The following AGTPBP1 variants were observed in gnomAD, a reference collection of about 807,000 sequenced individuals.
AGTPBP1 encodes cytosolic carboxypeptidase 1.
Under a neutral mutation model 143.9 loss-of-function variants are expected in AGTPBP1, and 70 were observed. The ratio of observed to expected loss-of-function variants is 0.49; its 90% CI spans 0.40 to 0.59. AGTPBP1 has a LOEUF of 0.59. AGTPBP1 is among the 20% of genes least tolerant of loss of function. The pLI is 0.00. For synonymous variants in AGTPBP1, 463 were observed against 500.2 expected (o/e 0.93, Z 0.99); for missense variants, 1,229 against 1,464.5 (o/e 0.84, Z 2.62).
intron 25 of AGTPBP1, among the ~76,000 whole-genome samples, chr9:85,550,451 G>A (rs1825973750): frequency 6.6e-6 from 1 of 152,028 alleles, no homozygotes; most frequent in Non-Finnish European, 1.5e-5. Flanking sequence ...CCTTCTCAAT[G>A]GTAATCATGT....
rs1834972191 is a variant in AGTPBP1, at chr9:85,678,476, A to T, written c.226-78T>A. The T allele has an allele frequency of 5.8e-6, 5 of 861,228 alleles. No homozygotes were observed. The East Asian group carries it at 1.4e-4, about 25-fold the overall frequency. The allele number at this position is 861,228 out of a possible 1,614,324, so 53.3% of individuals were successfully genotyped here. A position where few individuals can be genotyped will look rare whatever the true frequency, so the allele number is the denominator to read the frequency against. ...CTTTTGAATCCACTGGGAACTACCT[A>T]TATTTTACAAATGACCTTTCCAATT... is the stretch of plus-strand genomic sequence containing the variant. On this transcript the variant is annotated intron_variant, in intron 4 of 25. Transcript: ENST00000357081.
intron 2 of AGTPBP1, among the ~76,000 whole-genome samples, chr9:85,693,272 T>C (rs1261413933): frequency 6.6e-6 from 1 of 152,206 alleles, no homozygotes; most frequent in Non-Finnish European, 1.5e-5. Flanking sequence ...CCTCCACCTA[T>C]GTTCTTTCTT....
rs1245699434 is a variant in AGTPBP1, at chr9:85,642,921, A to G, written c.1208T>C (p.Ile403Thr). ...NFKNDDIETD[I>T]NKLKPQQEPG... ...TTCTTGCTGGGGTTTTAGTTTGTTA[A>G]TATCTGTTTCAATATCATCATTCTG... is the stretch of plus-strand genomic sequence containing the variant. The change falls in exon 13 of 26, where the codon ATT becomes ACT. Residue 403 changes from isoleucine (I) to threonine (T), a missense_variant. By Grantham distance (89) the Ile-to-Thr change is moderately conservative. Transcript: ENST00000357081. 1.9e-6 allele frequency: 3 copies of G among 1,612,964 alleles called. No individual in the cohort carries two copies. The highest frequency in any genetic ancestry group is 2.2e-5 in the South Asian group (2 of 90,964).
chr9:85,803,914 G>A, the AGTPBP1 span, among the ~76,000 whole-genome samples: 2 of 151,868 alleles, frequency 1.3e-5, no homozygotes, highest in African/African-American at 4.8e-5. Context: ...CACTTTCTTT[G>A]ATTTCTCTCT....
At chr9:85,696,834 T>C (rs10780738) in intron 2 of AGTPBP1, among the ~76,000 whole-genome samples, 37,627 of 152,136 alleles carry the variant, frequency 0.25, 5,287 homozygotes, top group East Asian at 0.53. Flanking sequence ...TTCACTAATA[T>C]GGTTTCAGAT....
chr9:85,626,665 G>A (rs1405491402), intron 14 of AGTPBP1, among the ~76,000 whole-genome samples: 2 of 149,478 alleles, frequency 1.3e-5, no homozygotes, highest in African/African-American at 4.9e-5. Flanking sequence ...CTTCAGAGTG[G>A]CTACAGGGGT....
chr9:85,756,097 G>T, the AGTPBP1 span: 1 of 1,563,606 alleles, frequency 6.4e-7, no homozygotes, highest in East Asian at 2.3e-5. Flanking sequence ...AAAAGAAATA[G>T]TTAGATGAAG....
At chr9:85,618,928 T>C (rs1830750391) in intron 17 of AGTPBP1, 55 bp downstream of exon 17, 1 of 1,500,988 alleles carries the variant, frequency 6.7e-7, no homozygotes, top group Non-Finnish European at 8.9e-7. Context: ...AAAACTTCTT[T>C]TCCACAGTTA....
At chr9:85,721,938 T>G (rs940080975) in intron 1 of AGTPBP1, among the ~76,000 whole-genome samples, 2 of 152,182 alleles carry the variant, frequency 1.3e-5, no homozygotes, top group Non-Finnish European at 2.9e-5. Context: ...AAAGCTTAGT[T>G]GGCTAGATAT....
Position 85,705,651 on chromosome 9 carries a change from G to A in AGTPBP1, c.32+6851C>T, listed in dbSNP as rs1836939513. Among the ~76,000 whole-genome samples the A allele has an allele frequency of 3.3e-5, 5 of 152,198 alleles. No individual in the cohort carries two copies. In the South Asian group the frequency reaches 8.3e-4, roughly 25 times the overall value. On this transcript the variant is annotated intron_variant, in intron 2 of 25. Transcript: ENST00000357081. ...ATAACATAGGTAACAGTAAGCGTATGACAAACAGCACAAAGGTTAGAGAGA... is the reference window on the plus strand; with the variant it reads ...ATAACATAGGTAACAGTAAGCGTATAACAAACAGCACAAAGGTTAGAGAGA...
At position 85,546,873 on chromosome 9, in the gene AGTPBP1, A is replaced by G. The variant is rs550189746; in HGVS notation, c.*236T>C. On this transcript the variant is annotated 3_prime_UTR_variant, in exon 26 of 26. Coordinates refer to ENST00000357081, the MANE Select transcript of AGTPBP1 (RefSeq NM_001330701.2). ...ACTCAGGTTTTTTTTTTAAAGGTAAATCCAATATTTGATCATTCAATGCTA... is the reference window on the plus strand; with the variant it reads ...ACTCAGGTTTTTTTTTTAAAGGTAAGTCCAATATTTGATCATTCAATGCTA... The G allele has an allele frequency of 2.0e-4, 63 of 318,508 alleles. 1 individual carries two copies. In the South Asian group the frequency reaches 6.2e-3, roughly 31 times the overall value. The allele number at this position is 318,508 out of a possible 1,614,324, so 19.7% of individuals were successfully genotyped here. A position where few individuals can be genotyped will look rare whatever the true frequency, so the allele number is the denominator to read the frequency against.
upstream of AGTPBP1, among the ~76,000 whole-genome samples, chr9:85,743,926 CTT>C (rs10576766): frequency 0.66 from 86,552 of 132,130 alleles, 28,428 homozygotes; most frequent in African/African-American, 0.82. Context: ...CTTTTTCTTT[CTT>C]TTTTTTTTTT....
the AGTPBP1 span, chr9:85,755,921 C>T: frequency 1.8e-6 from 1 of 554,538 alleles, no homozygotes; most frequent in Admixed American, 3.7e-5. Flanking sequence ...CCACTGATGT[C>T]TTTAGGATCT....
At chr9:85,784,858 G>C in the AGTPBP1 span, among the ~76,000 whole-genome samples, 11 of 152,182 alleles carry the variant, frequency 7.2e-5, no homozygotes, top group East Asian at 2.1e-3. Context: ...TTGCAATTCA[G>C]AAACTGTTAA....
chr9:85,632,892 A>G lies in AGTPBP1; in HGVS notation c.1785T>C (p.Thr595=), dbSNP rs1413923138. The G allele has an allele frequency of 1.2e-6, 2 of 1,614,166 alleles. No homozygotes were observed. Among genetic ancestry groups the G allele is most frequent in the Admixed American group, 1.7e-5 (1 of 60,016 alleles). Residue 595 remains threonine (T), a synonymous_variant, in exon 14 of 26, where the codon ACT becomes ACC. Coordinates refer to ENST00000357081, the MANE Select transcript of AGTPBP1 (RefSeq NM_001330701.2). Reference sequence around the variant, plus strand: ...CTTCATCATCTTCAGTTTCAACTCCAGTGCAGCAAAGCTTCCCTAGCTGAA... The same window carrying G: ...CTTCATCATCTTCAGTTTCAACTCCGGTGCAGCAAAGCTTCCCTAGCTGAA... ...RTVQLGKLCC[T]GVETEDDEDT...
chr9:85,689,558 A>G (rs894372104), intron 3 of AGTPBP1, among the ~76,000 whole-genome samples: 6 of 152,258 alleles, frequency 3.9e-5, no homozygotes, highest in Non-Finnish European at 7.4e-5. Context: ...TGCCACATGA[A>G]TATCTCTATA....
the AGTPBP1 span, among the ~76,000 whole-genome samples, chr9:85,775,587 AAT>A: frequency 0.054 from 8,009 of 147,178 alleles, 706 homozygotes; most frequent in African/African-American, 0.18. Context: ...ATATTATATA[AAT>A]ATATATATAT....
rs58523894 is a variant in AGTPBP1 at position 85,688,096 on chromosome 9, TAAAAAAAAA to T, written c.157+4584_157+4592del. On this transcript the variant is annotated intron_variant, in intron 3 of 25. Transcript: ENST00000357081. ...CAAGAATGAAACTCTGTCTCAAAAT[TAAAAAAAAA>T]AAAAAAAAAAAAAAAGGCAAAAAAA... Among the ~76,000 whole-genome samples the T allele has an allele frequency of 1.1e-3, 39 of 34,716 alleles. 2 individuals carry two copies. The highest frequency in any genetic ancestry group is 1.6e-3 in the Non-Finnish European group (34 of 21,172). 22.8% of individuals were successfully genotyped at this position (34,716 alleles called of 152,430 possible).
chr9:85,680,350 G>A (rs545406669), intron 4 of AGTPBP1, among the ~76,000 whole-genome samples: 8 of 152,112 alleles, frequency 5.3e-5, no homozygotes, highest in South Asian at 2.1e-4. Flanking sequence ...TTGGGAGGCC[G>A]AGGCAGGTGG....
Sources: allele counts gnomAD v4.1 joint callset (sites outside exome capture counted in the v4.1 genomes callset), GRCh38; gene constraint gnomAD v4.1.1; transcripts MANE v1.5; gene names NCBI Gene and HGNC (gene_info 2026-07-23, HGNC 2026-07-21).